The following GRM8 variants were observed in gnomAD, a reference collection of about 807,000 sequenced individuals.
The protein encoded by GRM8 is glutamate metabotropic receptor 8.
GRM8 carries 47 observed loss-of-function variants against 87.2 expected under a neutral mutation model. The observed-to-expected ratio is 0.54, with a 90% confidence interval of 0.43 to 0.69. The LOEUF is 0.69. Among genes scored for constraint, GRM8 ranks in the 30% least tolerant of loss-of-function variants. The pLI is 0.00. For missense variants in GRM8, 1,019 were observed against 1,139.2 expected (o/e 0.89, Z 1.52); for synonymous variants, 396 against 404.5 (o/e 0.98, Z 0.25).
intron 7 of GRM8, among the ~76,000 whole-genome samples, chr7:126,644,073 T>C (rs1802772090): frequency 6.6e-6 from 1 of 152,250 alleles, no homozygotes; most frequent in Non-Finnish European, 1.5e-5. Flanking sequence ...GAAATATGCT[T>C]CTAAAGTCGA....
At chr7:126,626,625 AC>A (rs1800723568) in intron 7 of GRM8, among the ~76,000 whole-genome samples, 1 of 152,204 alleles carries the variant, frequency 6.6e-6, no homozygotes, top group African/African-American at 2.4e-5. Flanking sequence ...AATATAAATT[AC>A]TAAAGTTTTA....
chr7:126,745,901 T>C (rs1321155228), intron 7 of GRM8, among the ~76,000 whole-genome samples: 2 of 151,802 alleles, frequency 1.3e-5, no homozygotes, highest in Non-Finnish European at 3.0e-5. Context: ...TCTCTATAAT[T>C]CATAAGCAAC....
chr7:127,207,638 A>C (rs1795987319), intron 2 of GRM8, among the ~76,000 whole-genome samples: 1 of 152,170 alleles, frequency 6.6e-6, no homozygotes, highest in African/African-American at 2.4e-5. Context: ...CAACTGGCTG[A>C]ACAAATCCCC....
intron 2 of GRM8, among the ~76,000 whole-genome samples, chr7:127,146,497 G>A (rs1046023481): frequency 1.5e-4 from 23 of 151,972 alleles, no homozygotes; most frequent in Non-Finnish European, 1.8e-4. Flanking sequence ...GGGAAACAAG[G>A]GAAACCCAGG....
At chr7:126,923,227 T>C (rs1237318488) in intron 3 of GRM8, among the ~76,000 whole-genome samples, 1 of 152,178 alleles carries the variant, frequency 6.6e-6, no homozygotes, top group East Asian at 1.9e-4. Flanking sequence ...AATAGGTGCT[T>C]GTTTAATATT....
intron 6 of GRM8, among the ~76,000 whole-genome samples, chr7:126,782,084 C>T (rs909085989): frequency 6.6e-6 from 1 of 152,102 alleles, no homozygotes; most frequent in African/African-American, 2.4e-5. Context: ...TCACACACAG[C>T]GTATTTCCAA....
chr7:126,676,924 T>C (rs1039181068), intron 7 of GRM8, among the ~76,000 whole-genome samples: 2 of 151,904 alleles, frequency 1.3e-5, no homozygotes, highest in African/African-American at 4.8e-5. Flanking sequence ...AGAGTAAACA[T>C]ACAACCCACA....
chr7:126,475,644 A>G (rs62479312), intron 9 of GRM8, among the ~76,000 whole-genome samples: 48,251 of 152,050 alleles, frequency 0.32, 8,013 homozygotes, highest in South Asian at 0.45. Context: ...AACCACAGTT[A>G]ACTCCAAATA....
At chr7:126,798,875 A>C (rs905553826) in intron 6 of GRM8, among the ~76,000 whole-genome samples, 3 of 152,064 alleles carry the variant, frequency 2.0e-5, no homozygotes, top group African/African-American at 7.2e-5. Context: ...GTCTCCCAAG[A>C]AGTGTCTGTG....
In GRM8 at chr7:126,521,431, A is replaced by G. The variant is rs73447033; in HGVS notation, c.2430+11521T>C. ...CTTAATTCCTCTTCTAAAATCCCAC[A>G]AAAACCTACAATTAGTGTGGATGCT... On this transcript the variant is annotated intron_variant, in intron 9 of 10. Transcript: ENST00000339582. 3.5e-3 allele frequency among the ~76,000 whole-genome samples: 533 copies of G among 152,198 alleles called. 2 individuals carry two copies. The highest frequency in any genetic ancestry group is 0.012 in the African/African-American group (489 of 41,540).
intron 8 of GRM8, among the ~76,000 whole-genome samples, chr7:126,596,001 G>T (rs1016744628): frequency 6.6e-6 from 1 of 152,108 alleles, no homozygotes; most frequent in Non-Finnish European, 1.5e-5. Flanking sequence ...GATGGGTGTG[G>T]TGGCACAGGC....
chr7:126,882,335 C>A (rs1418962099), intron 6 of GRM8, among the ~76,000 whole-genome samples: 4 of 151,954 alleles, frequency 2.6e-5, no homozygotes, highest in African/African-American at 9.7e-5. Context: ...TCTAATTCAA[C>A]CTCCTTGATT....
chr7:126,728,014 G>A (rs576121340), intron 7 of GRM8, among the ~76,000 whole-genome samples: 1 of 152,258 alleles, frequency 6.6e-6, no homozygotes, highest in East Asian at 1.9e-4. Flanking sequence ...AAGCCCTATA[G>A]ACACAAAAGG....
At chr7:126,945,602 AT>A (rs1807450755) in intron 3 of GRM8, among the ~76,000 whole-genome samples, 1 of 152,240 alleles carries the variant, frequency 6.6e-6, no homozygotes, top group Admixed American at 6.5e-5. Context: ...CATGAAACAA[AT>A]GAATTTCATG....
intron 9 of GRM8, among the ~76,000 whole-genome samples, chr7:126,510,372 T>C (rs1562899613): frequency 1.3e-5 from 2 of 151,894 alleles, no homozygotes. Context: ...GATGTGATCG[T>C]AGTATTCATT....
At chr7:126,743,252 G>C (rs11763603) in intron 7 of GRM8, among the ~76,000 whole-genome samples, 59,320 of 151,916 alleles carry the variant, frequency 0.39, 12,788 homozygotes, top group Non-Finnish European at 0.48. Flanking sequence ...AGTTTAAAAA[G>C]TCATGTTCCC....
At chr7:126,908,191 T>G (rs1802906773) in intron 3 of GRM8, among the ~76,000 whole-genome samples, 1 of 152,126 alleles carries the variant, frequency 6.6e-6, no homozygotes. Flanking sequence ...TTTGAAGTGT[T>G]GTGGGGCAAA....
intron 7 of GRM8, among the ~76,000 whole-genome samples, chr7:126,659,778 T>A (rs1057146780): frequency 6.6e-6 from 1 of 152,228 alleles, no homozygotes; most frequent in Non-Finnish European, 1.5e-5. Flanking sequence ...CTATTTCAAA[T>A]AAAAGTGTGG....
chr7:126,951,861 T>C (rs1392162662), intron 3 of GRM8, among the ~76,000 whole-genome samples: 9 of 151,920 alleles, frequency 5.9e-5, no homozygotes, highest in Admixed American at 5.9e-4. Context: ...TATAGACATA[T>C]AGATAAAGAA....
Sources: gnomAD v4.1 joint callset for allele counts (sites outside exome capture counted in the v4.1 genomes callset) on GRCh38, gnomAD v4.1.1 for gene constraint, MANE v1.5 for transcripts, NCBI Gene and HGNC (gene_info 2026-07-23, HGNC 2026-07-21) for gene names.